SETBP1: variants seen among roughly 807,000 people sequenced by gnomAD.
SETBP1 encodes the protein SET-binding protein.
SETBP1 carries 9 observed loss-of-function variants against 101.0 expected under a neutral mutation model. The ratio of observed to expected loss-of-function variants is 0.09; its 90% confidence interval spans 0.05 to 0.16. The LOEUF is 0.16. Among genes scored for constraint, SETBP1 ranks in the 10% least tolerant of loss-of-function variants. The pLI, the probability that SETBP1 is intolerant of heterozygous loss-of-function variation, is 1.00. For synonymous variants in SETBP1, 818 were observed against 788.5 expected, an observed-to-expected ratio of 1.04 and a Z score of -0.63; for missense variants, 1,858 against 2,033.8, an observed-to-expected ratio of 0.91 and a Z score of 1.66.
At chr18:44,750,091 C>T (rs17783477) in intron 2 of SETBP1, among the ~76,000 whole-genome samples, 30,394 of 152,106 alleles carry the variant, frequency 0.2, 3,211 homozygotes, top group Non-Finnish European at 0.24. Flanking sequence ...GCTTAATTGC[C>T]AAAGAGGACT....
intron 2 of SETBP1, among the ~76,000 whole-genome samples, chr18:44,782,535 C>T (rs954584815): frequency 6.6e-6 from 1 of 152,126 alleles, no homozygotes; most frequent in Non-Finnish European, 1.5e-5. Flanking sequence ...AGGAAAGTTT[C>T]CTGGCTGTAT....
chr18:44,779,680 A>C (rs1366813819), intron 2 of SETBP1, among the ~76,000 whole-genome samples: 10 of 152,082 alleles, frequency 6.6e-5, no homozygotes. Context: ...ACTTTGTGCA[A>C]AGGGAGGCCT....
At chr18:44,941,077 C>CTTTTTTTTTTTTTTTTTTT (rs71177660) in intron 3 of SETBP1, among the ~76,000 whole-genome samples, 1 of 74,876 alleles carries the variant, frequency 1.3e-5, no homozygotes. Context: ...AGAAGTCAGA[C>CTTTTTTTTTTTTTTTTTTT]TTTTTTTTTT....
At chr18:45,014,223 A>C (rs892136015) in intron 4 of SETBP1, among the ~76,000 whole-genome samples, 3 of 152,316 alleles carry the variant, frequency 2.0e-5, no homozygotes, top group Non-Finnish European at 4.4e-5. Context: ...TCATAGGGAA[A>C]GCTTGTCCAT....
rs552963492 is a variant in SETBP1, at chr18:45,048,970, C to G, written c.4171+10315C>G. On this transcript the variant is annotated intron_variant, in intron 5 of 5. Coordinates refer to ENST00000649279, the MANE Select transcript of SETBP1 (RefSeq NM_015559.3). ...GTCCGGCCTGGGCGACAGAGCGAGACTCCGTCTCAAAAAAAAAAAAAAAAA... is the reference window on the plus strand; with the variant it reads ...GTCCGGCCTGGGCGACAGAGCGAGAGTCCGTCTCAAAAAAAAAAAAAAAAA... Among the ~76,000 whole-genome samples, 17 of 69,302 alleles carry G rather than the reference C, an allele frequency of 2.5e-4. No homozygotes were observed. The South Asian group carries it at 9.2e-3, about 38-fold the overall frequency. 45.5% of individuals were successfully genotyped at this position (69,302 alleles called of 152,430 possible).
chr18:44,737,472 T>G (rs369173792), intron 2 of SETBP1, among the ~76,000 whole-genome samples: 2 of 152,188 alleles, frequency 1.3e-5, no homozygotes, highest in East Asian at 1.9e-4. Context: ...GAGTACACTG[T>G]GCTTACTTAA....
At position 44,852,740 on chromosome 18, in the gene SETBP1, G is replaced by A. The variant is rs761009146; in HGVS notation, c.487-16490G>A. Among the ~76,000 whole-genome samples, 197 of 152,212 alleles carry A rather than the reference G, an allele frequency of 1.3e-3. 1 individual carries two copies. Among genetic ancestry groups the A allele is most frequent in the Non-Finnish European group, 3.2e-4 (22 of 67,996 alleles). Reference sequence around the variant, plus strand: ...CTGGGTGCCTTTGATACCCATTCTGGTTCTTTGGGGACCAGCCCAAGCTCT... The same window carrying A: ...CTGGGTGCCTTTGATACCCATTCTGATTCTTTGGGGACCAGCCCAAGCTCT... On this transcript the variant is annotated intron_variant, in intron 2 of 5. Coordinates refer to ENST00000649279, the MANE Select transcript of SETBP1 (RefSeq NM_015559.3).
At chr18:45,021,846 CA>C (rs77457235) in intron 4 of SETBP1, among the ~76,000 whole-genome samples, 19,999 of 151,952 alleles carry the variant, frequency 0.13, 1,724 homozygotes, top group Admixed American at 0.23. Flanking sequence ...GTCTTCTGAG[CA>C]AAAAACATAA....
At chr18:44,810,163 G>T (rs1367758669) in intron 2 of SETBP1, among the ~76,000 whole-genome samples, 1 of 152,090 alleles carries the variant, frequency 6.6e-6, no homozygotes, top group Non-Finnish European at 1.5e-5. Context: ...AACATATTCA[G>T]TCTGCTTTAT....
intron 2 of SETBP1, among the ~76,000 whole-genome samples, chr18:44,730,270 A>C (rs2069809979): frequency 6.6e-6 from 1 of 152,238 alleles, no homozygotes; most frequent in South Asian, 2.1e-4. Context: ...TCTACATAAG[A>C]CAAACATGGA....
At chr18:45,045,219 C>T (rs566173611) in intron 5 of SETBP1, among the ~76,000 whole-genome samples, 162 of 152,266 alleles carry the variant, frequency 1.1e-3, no homozygotes, top group African/African-American at 3.7e-3. Context: ...GTCAGGAGTT[C>T]GAGACCAGAC....
chr18:44,951,195 G>A lies in SETBP1; in HGVS notation c.1855G>A (p.Gly619Ser), dbSNP rs766110974. The stretch of plus-strand genomic sequence containing the variant: ...CAGTCCCATCAGCCGAGAGTTTCCT[G>A]GCACTAAGAAAAGAAAGCGACGACG... ...PVSPISREFP[G>S]TKKRKRRRNL... Residue 619 changes from glycine (G) to serine (S), a missense_variant, in exon 4 of 6, where the codon GGC becomes AGC. This residue lies in a region of SETBP1 where 111 missense variants were observed against 119.3 expected (regional missense o/e 0.93). Transcript: ENST00000649279. The surrounding 1 kb of genome is among the most constrained non-coding windows in gnomAD (Gnocchi z 7.8). The A allele has an allele frequency of 3.7e-6, 6 of 1,614,146 alleles. No individual in the cohort carries two copies. The highest frequency in any genetic ancestry group is 5.1e-6 in the Non-Finnish European group (6 of 1,180,046).
chr18:44,816,347 G>T (rs2071975973), intron 2 of SETBP1, among the ~76,000 whole-genome samples: 1 of 152,162 alleles, frequency 6.6e-6, no homozygotes, highest in Admixed American at 6.5e-5. Context: ...AGCCTGAGGG[G>T]CCAGGCTAGA....
At chr18:44,746,457 A>C (rs1159829712) in intron 2 of SETBP1, among the ~76,000 whole-genome samples, 1 of 152,238 alleles carries the variant, frequency 6.6e-6, no homozygotes, top group African/African-American at 2.4e-5. Flanking sequence ...TGGAGAATAC[A>C]GGAAAAAGAA....
At position 44,902,528 on chromosome 18, in the gene SETBP1, A is replaced by G. The variant is rs111549793; in HGVS notation, c.540+33245A>G. ...CATTCAACCAGGCCCTCCCCAAATC[A>G]TACACAGTAGATAGGCATTTTCTAG... On this transcript the variant is annotated intron_variant, in intron 3 of 5. Transcript: ENST00000649279. Among the ~76,000 whole-genome samples the G allele has an allele frequency of 4.9e-3, 744 of 152,264 alleles. 7 individuals carry two copies. The highest frequency in any genetic ancestry group is 0.017 in the African/African-American group (707 of 41,542).
chr18:44,818,753 T>TCACACA (rs34683605), intron 2 of SETBP1, among the ~76,000 whole-genome samples: 19 of 140,656 alleles, frequency 1.4e-4, no homozygotes, highest in African/African-American at 2.8e-4. Flanking sequence ...ACGCACACAC[T>TCACACA]CACACACACA....
chr18:44,713,449 C>T (rs2069390344), intron 2 of SETBP1, among the ~76,000 whole-genome samples: 1 of 152,144 alleles, frequency 6.6e-6, no homozygotes, highest in Non-Finnish European at 1.5e-5. Context: ...TGAAAGTGTT[C>T]CTTGTATTCC....
chr18:44,723,981 A>G (rs1434861424), intron 2 of SETBP1, among the ~76,000 whole-genome samples: 1 of 152,212 alleles, frequency 6.6e-6, no homozygotes, highest in East Asian at 1.9e-4. Flanking sequence ...CAAGAGACAG[A>G]ACTATTAATT....
chr18:44,787,219 T>A (rs1456268608), intron 2 of SETBP1, among the ~76,000 whole-genome samples: 1 of 152,192 alleles, frequency 6.6e-6, no homozygotes, highest in Non-Finnish European at 1.5e-5. Flanking sequence ...CTTCTTTCCT[T>A]GTTTATGGTG....
Sources: allele counts gnomAD v4.1 joint callset (sites outside exome capture counted in the v4.1 genomes callset), GRCh38; gene constraint gnomAD v4.1.1; regional missense constraint gnomAD v4.1.1; non-coding constraint Gnocchi (gnomAD v3.1); transcripts MANE v1.5; gene names NCBI Gene and HGNC (gene_info 2026-07-23, HGNC 2026-07-21).